Variants in SCARB2 observed in about 807,000 individuals in gnomAD.
SCARB2 encodes the protein scavenger receptor class B member 2, also known as lysosome membrane protein 2.
In SCARB2, 29 loss-of-function variants were observed where a neutral mutation model predicts 58.6. That is an observed-to-expected ratio of 0.49 (90% CI 0.37 to 0.67). The LOEUF is 0.67. Ranked by LOEUF, SCARB2 falls within the 30% of genes least tolerant of loss-of-function variation. The pLI is 0.00. For missense variants in SCARB2, 488 were observed against 578.5 expected, an observed-to-expected ratio of 0.84 and a Z score of 1.60; for synonymous variants, 195 against 210.1, an observed-to-expected ratio of 0.93 and a Z score of 0.62.
chr4:76,207,100 G>C (rs72655538), intron 1 of SCARB2, among the ~76,000 whole-genome samples: 41,008 of 152,062 alleles, frequency 0.27, 7,740 homozygotes, highest in African/African-American at 0.53. Flanking sequence ...TGGGGAGCCC[G>C]AAGACCTTCT....
chr4:76,161,676 C>G lies in SCARB2; in HGVS notation c.*37G>C, dbSNP rs759256374. The G allele has an allele frequency of 6.2e-7, 1 of 1,612,174 alleles. No individual in the cohort carries two copies. Among genetic ancestry groups the G allele is most frequent in the Non-Finnish European group, 8.5e-7 (1 of 1,178,236 alleles). On this transcript the variant is annotated 3_prime_UTR_variant, in exon 12 of 12. Transcript: ENST00000264896. Reference sequence around the variant, plus strand: ...CCCCACGTCATCGTCCAGGTCAGGACAGCTCACACAGTTTCTTCACCAAGC... The same window carrying G: ...CCCCACGTCATCGTCCAGGTCAGGAGAGCTCACACAGTTTCTTCACCAAGC...
chr4:76,159,032 T>G lies in SCARB2; in HGVS notation c.*2681A>C, dbSNP rs1170762097. 2 of 152,140 alleles carry G rather than the reference T, an allele frequency of 1.3e-5. No homozygotes were observed. The highest frequency in any genetic ancestry group is 2.4e-5 in the African/African-American group (1 of 41,416). 9.4% of individuals were successfully genotyped at this position (152,140 alleles called of 1,614,324 possible). ...AGTGCTTGTTCCACTTGACCATTAG[T>G]GATCTTTCTAGAACATGAGGAAATC... On this transcript the variant is annotated 3_prime_UTR_variant, in exon 12 of 12. Coordinates refer to ENST00000264896, the MANE Select transcript of SCARB2 (RefSeq NM_005506.4).
At chr4:76,169,317 T>TACACACACACACACACAC (rs1553947566) in intron 8 of SCARB2, among the ~76,000 whole-genome samples, 3 of 127,452 alleles carry the variant, frequency 2.4e-5, no homozygotes, top group Admixed American at 7.3e-5. Context: ...ATGTGTATTA[T>TACACACACACACACACAC]ACACACACAC....
At chr4:76,201,823 A>T (rs994784872) in intron 1 of SCARB2, among the ~76,000 whole-genome samples, 1 of 152,188 alleles carries the variant, frequency 6.6e-6, no homozygotes, top group African/African-American at 2.4e-5. Context: ...GTTTTAATGA[A>T]TTTTTTATAA....
At chr4:76,216,990 C>T (rs922067308), upstream of SCARB2, among the ~76,000 whole-genome samples, 2 of 152,210 alleles carry the variant, frequency 1.3e-5, no homozygotes, top group African/African-American at 4.8e-5. Context: ...TCCATCTTCT[C>T]TACCCACAGC....
At chr4:76,223,845 C>T (rs1733349955) in intron 1 of SCARB2, among the ~76,000 whole-genome samples, 1 of 149,946 alleles carries the variant, frequency 6.7e-6, no homozygotes, top group Non-Finnish European at 1.5e-5. Flanking sequence ...CTGCTTTCCA[C>T]CCTCAGAGTG....
At chr4:76,187,732 G>A (rs917193832) in intron 2 of SCARB2, among the ~76,000 whole-genome samples, 1 of 152,120 alleles carries the variant, frequency 6.6e-6, no homozygotes, top group Admixed American at 6.6e-5. Context: ...TTTTGAGACA[G>A]TGAAGCCATG....
intron 1 of SCARB2, chr4:76,213,211 C>T (rs913342393): frequency 3.4e-6 from 2 of 584,840 alleles, no homozygotes; most frequent in Non-Finnish European, 6.2e-6. Flanking sequence ...GGATCCATAG[C>T]CTTACTTATC....
chr4:76,165,481 A>T (rs765927430), intron 10 of SCARB2: 17 of 152,204 alleles, frequency 1.1e-4, no homozygotes, highest in Admixed American at 1.3e-4. Context: ...TTTTTAAAAA[A>T]ATTTCTAAGA....
chr4:76,161,810 G>A (rs1731904758), intron 11 of SCARB2, 59 bp from the exon 12 acceptor site: 2 of 1,588,598 alleles, frequency 1.3e-6, no homozygotes, highest in African/African-American at 1.3e-5. Flanking sequence ...TCTCCCCAGT[G>A]TGAAAAGTTT....
chr4:76,183,270 C>T (rs1732421520), intron 2 of SCARB2, among the ~76,000 whole-genome samples: 1 of 152,186 alleles, frequency 6.6e-6, no homozygotes, highest in Non-Finnish European at 1.5e-5. Context: ...CAATTCAATT[C>T]AATTCTGATA....
intron 4 of SCARB2, 101 bp from the exon 5 acceptor site, chr4:76,176,629 A>G: frequency 1.3e-6 from 1 of 780,738 alleles, no homozygotes; most frequent in South Asian, 1.5e-5. Context: ...ACTAGCCCAG[A>G]TGGTGTGGTG....
At chr4:76,183,835 G>A (rs1732435959) in intron 2 of SCARB2, among the ~76,000 whole-genome samples, 1 of 152,178 alleles carries the variant, frequency 6.6e-6, no homozygotes, top group Non-Finnish European at 1.5e-5. Flanking sequence ...CAATTCACTA[G>A]CATACAAAAA....
In SCARB2 at chr4:76,174,157, G is replaced by A; in HGVS notation, c.981C>T (p.Ser327=). 1.2e-6 allele frequency: 2 copies of A among 1,613,882 alleles called. No individual in the cohort carries two copies. Among genetic ancestry groups the A allele is most frequent in the Non-Finnish European group, 8.5e-7 (1 of 1,180,024 alleles). The change falls in exon 7 of 12, where the codon AGC becomes AGT. Residue 327 remains serine, a synonymous_variant. Coordinates refer to ENST00000264896, the MANE Select transcript of SCARB2 (RefSeq NM_005506.4). ...NCLGSGVLNV[S]ICKNGAPIIM... is the part of the protein sequence containing the mutation. ...CTGAGTTCTTACCATTCTTGCAGAT[G>A]CTGACATTCAGAACTCCTGAGCCCA... is the stretch of plus-strand genomic sequence containing the variant.
intron 1 of SCARB2, among the ~76,000 whole-genome samples, chr4:76,219,792 C>T (rs770394957): frequency 2.0e-4 from 31 of 152,054 alleles, no homozygotes; most frequent in Non-Finnish European, 3.8e-4. Context: ...CCCCGCCCCT[C>T]ACCACTAACC....
chr4:76,216,026 G>A (rs530102957), upstream of SCARB2, among the ~76,000 whole-genome samples: 1 of 152,316 alleles, frequency 6.6e-6, no homozygotes, highest in East Asian at 1.9e-4. Context: ...AGCAGCCCCA[G>A]AGGACCAGTC....
At chr4:76,217,697 A>G (rs1329153523), upstream of SCARB2, 2 of 591,636 alleles carry the variant, frequency 3.4e-6, no homozygotes, top group Non-Finnish European at 6.1e-6. Context: ...AGGTATTGTT[A>G]TAGCAACACA....
chr4:76,196,853 C>T (rs529865339), intron 1 of SCARB2, among the ~76,000 whole-genome samples: 1 of 152,326 alleles, frequency 6.6e-6, no homozygotes, highest in Admixed American at 6.5e-5. Flanking sequence ...GCCCCCCATA[C>T]TCTAAATTCC....
chr4:76,172,143 A>C (rs1226027304), intron 7 of SCARB2, among the ~76,000 whole-genome samples: 1 of 148,898 alleles, frequency 6.7e-6, no homozygotes, highest in Non-Finnish European at 1.5e-5. Context: ...ACATACATAA[A>C]TATATACATG....
Sources: allele counts gnomAD v4.1 joint callset (sites outside exome capture counted in the v4.1 genomes callset), GRCh38; gene constraint gnomAD v4.1.1; transcripts MANE v1.5; gene names NCBI Gene and HGNC (gene_info 2026-07-23, HGNC 2026-07-21).